Variants in CLOCK observed in about 807,000 individuals in gnomAD.
CLOCK encodes clock circadian regulator, also known as circadian locomoter output cycles protein kaput.
Under a neutral mutation model 118.4 loss-of-function variants are expected in CLOCK, and 43 were observed. That is an observed-to-expected ratio of 0.36 (90% CI 0.28 to 0.47). CLOCK has a LOEUF of 0.47. Ranked by LOEUF, CLOCK falls within the 20% of genes least tolerant of loss-of-function variation. The pLI is 1.00. For synonymous variants in CLOCK, 326 were observed against 339.2 expected (o/e 0.96, Z 0.43); for missense variants, 846 against 999.9 (o/e 0.85, Z 2.08).
At chr4:55,507,112 T>C (rs1366980463) in intron 2 of CLOCK, among the ~76,000 whole-genome samples, 1 of 151,992 alleles carries the variant, frequency 6.6e-6, no homozygotes, top group Non-Finnish European at 1.5e-5. Context: ...CCAGGAGTTC[T>C]AGAGCAGCCT....
At chr4:55,477,184 A>G (rs1337330646) in intron 6 of CLOCK, among the ~76,000 whole-genome samples, 1 of 152,148 alleles carries the variant, frequency 6.6e-6, no homozygotes, top group East Asian at 1.9e-4. Context: ...CAGAAATACT[A>G]TTTTTGTGAG....
intron 21 of CLOCK, among the ~76,000 whole-genome samples, chr4:55,441,434 T>C (rs967080170): frequency 6.6e-5 from 10 of 152,190 alleles, no homozygotes; most frequent in Middle Eastern, 3.2e-3. Context: ...TGCATACATA[T>C]GGCTATCGCA....
At chr4:55,483,165 A>C (rs1286618834) in intron 3 of CLOCK, among the ~76,000 whole-genome samples, 9 of 152,222 alleles carry the variant, frequency 5.9e-5, no homozygotes, top group Admixed American at 3.3e-4. Context: ...TTCAGCAATA[A>C]ATATTTGTTG....
At chr4:55,526,922 G>A (rs1443096228) in intron 1 of CLOCK, among the ~76,000 whole-genome samples, 11 of 147,418 alleles carry the variant, frequency 7.5e-5, no homozygotes, top group Non-Finnish European at 1.2e-4. Context: ...ACTCCAGCCC[G>A]GGTGACAGAG....
intron 21 of CLOCK, among the ~76,000 whole-genome samples, chr4:55,439,108 A>G (rs1444187074): frequency 2.6e-5 from 4 of 152,204 alleles, no homozygotes; most frequent in Admixed American, 2.6e-4. Context: ...ATATCTGCAT[A>G]TCATCCTTCT....
chr4:55,463,847 C>G, intron 8 of CLOCK, 42 bp from the exon 9 acceptor site: 1 of 1,570,610 alleles, frequency 6.4e-7, no homozygotes, highest in Non-Finnish European at 8.7e-7. Context: ...TTCAATGATT[C>G]AAGAGACAAT....
At chr4:55,446,972 G>A (rs1421403216) in intron 18 of CLOCK, among the ~76,000 whole-genome samples, 1 of 151,672 alleles carries the variant, frequency 6.6e-6, no homozygotes, top group African/African-American at 2.4e-5. Context: ...ACAATAACCA[G>A]ACCATATCAT....
At position 55,428,572 on chromosome 4, in the gene CLOCK, AT is replaced by A. The variant is rs1722330395; in HGVS notation, c.*6842del. On this transcript the variant is annotated 3_prime_UTR_variant, in exon 23 of 23. Coordinates refer to ENST00000513440, the MANE Select transcript of CLOCK (RefSeq NM_004898.4). The stretch of plus-strand genomic sequence containing the variant: ...CTTTGCCTTAGTAAAGGGTATTCTT[AT>A]CTCAAGATCAATTAGCCGTTTTTAG... 1 of 152,194 alleles carries A rather than the reference AT, an allele frequency of 6.6e-6. No homozygotes were observed. Among genetic ancestry groups the A allele is most frequent in the Non-Finnish European group, 1.5e-5 (1 of 68,024 alleles). 9.4% of individuals were successfully genotyped at this position (152,194 alleles called of 1,614,324 possible).
At chr4:55,517,926 AAT>A (rs1577841306) in intron 1 of CLOCK, among the ~76,000 whole-genome samples, 1 of 152,132 alleles carries the variant, frequency 6.6e-6, no homozygotes, top group African/African-American at 2.4e-5. Flanking sequence ...TTGGTACAGA[AAT>A]ATAGGGGTTA....
intron 18 of CLOCK, among the ~76,000 whole-genome samples, 167 bp downstream of exon 18, chr4:55,448,603 TGTGTGTGTG>T (rs1724134175): frequency 3.6e-5 from 1 of 27,922 alleles, no homozygotes; most frequent in Admixed American, 4.0e-4. Flanking sequence ...CACGCGCGCG[TGTGTGTGTG>T]TGTGTGTGTG....
intron 7 of CLOCK, among the ~76,000 whole-genome samples, 191 bp from the exon 8 acceptor site, chr4:55,470,997 A>G (rs11733959): frequency 0.034 from 5,129 of 152,216 alleles, 102 homozygotes; most frequent in Non-Finnish European, 0.054. Flanking sequence ...GCTTCTGGAG[A>G]AAAAAAGTCT....
chr4:55,505,161 CA>C (rs36120601), intron 2 of CLOCK, among the ~76,000 whole-genome samples: 23 of 141,412 alleles, frequency 1.6e-4, no homozygotes, highest in African/African-American at 2.4e-4. Context: ...ACCCCCCCAC[CA>C]AAAAAAAAAA....
chr4:55,535,180 T>A (rs1311002753), intron 1 of CLOCK, among the ~76,000 whole-genome samples: 2 of 150,524 alleles, frequency 1.3e-5, no homozygotes, highest in Admixed American at 1.3e-4. Context: ...GACCTCTTTA[T>A]CAGTATAAAA....
In CLOCK at chr4:55,527,121, T is replaced by C. The variant is rs562987463; in HGVS notation, c.-289-17056A>G. Among the ~76,000 whole-genome samples, 9 of 151,844 alleles carry C rather than the reference T, an allele frequency of 5.9e-5. 1 individual carries two copies. In the South Asian group the frequency reaches 1.9e-3, roughly 32 times the overall value. ...GAATGTGAAACGTTATAAAGAAAAATTGACCCAGTTACTTCAACATGGAGG... is the reference window on the plus strand; with the variant it reads ...GAATGTGAAACGTTATAAAGAAAAACTGACCCAGTTACTTCAACATGGAGG... On this transcript the variant is annotated intron_variant, in intron 1 of 22. Coordinates refer to ENST00000513440, the MANE Select transcript of CLOCK (RefSeq NM_004898.4).
At position 55,470,622 on chromosome 4, in the gene CLOCK, G is replaced by A. The variant is rs879004294; in HGVS notation, c.438+95C>T. 1.0e-5 allele frequency: 9 copies of A among 866,024 alleles called. No homozygotes were observed. The East Asian group carries it at 1.2e-4, about 12-fold the overall frequency. 53.6% of individuals were successfully genotyped at this position (866,024 alleles called of 1,614,324 possible). On this transcript the variant is annotated intron_variant, in intron 8 of 22. Coordinates refer to ENST00000513440, the MANE Select transcript of CLOCK (RefSeq NM_004898.4). ...TCTGATTCCTACCCCTTTAACGACT[G>A]TTGTACACTGCTCTCAAAGTCCACT...
intron 2 of CLOCK, among the ~76,000 whole-genome samples, chr4:55,497,731 G>A (rs1023718357): frequency 6.6e-6 from 1 of 152,130 alleles, no homozygotes; most frequent in African/African-American, 2.4e-5. Flanking sequence ...CTATATGGTA[G>A]CAACAGGCTC....
At position 55,489,421 on chromosome 4, in the gene CLOCK, G is replaced by C. The variant is rs1727523722; in HGVS notation, c.-91C>G. 1 of 152,038 alleles carries C rather than the reference G, an allele frequency of 6.6e-6. No individual in the cohort carries two copies. The highest frequency in any genetic ancestry group is 2.1e-4 in the South Asian group (1 of 4,822). 9.4% of individuals were successfully genotyped at this position (152,038 alleles called of 1,614,324 possible). A position where few individuals can be genotyped will look rare whatever the true frequency, so the allele number is the denominator to read the frequency against. On this transcript the variant is annotated 5_prime_UTR_variant, in exon 3 of 23. Coordinates refer to ENST00000513440, the MANE Select transcript of CLOCK (RefSeq NM_004898.4). ...TAAACTGATTCTTCAGGAAACTATA[G>C]GTTCAAGGTACTCTTCTATATGACC...
intron 1 of CLOCK, among the ~76,000 whole-genome samples, chr4:55,526,781 T>C (rs1385810068): frequency 6.6e-6 from 1 of 151,852 alleles, no homozygotes; most frequent in Non-Finnish European, 1.5e-5. Context: ...ACCCTGTCTC[T>C]ACTAAAAATA....
intron 1 of CLOCK, among the ~76,000 whole-genome samples, chr4:55,541,591 A>C (rs1307294239): frequency 4.6e-5 from 7 of 152,176 alleles, no homozygotes; most frequent in Non-Finnish European, 1.0e-4. Context: ...GAGGTGACAT[A>C]ATATATATGC....
Sources: gnomAD v4.1 joint callset for allele counts (sites outside exome capture counted in the v4.1 genomes callset) on GRCh38, gnomAD v4.1.1 for gene constraint, MANE v1.5 for transcripts, NCBI Gene and HGNC (gene_info 2026-07-23, HGNC 2026-07-21) for gene names.